Variants in IQGAP2 observed in about 807,000 individuals in gnomAD.
IQGAP2 encodes the protein ras GTPase-activating-like protein IQGAP2.
In IQGAP2, 173 loss-of-function variants were observed where a neutral mutation model predicts 201.3. The ratio of observed to expected loss-of-function variants is 0.86; its 90% CI spans 0.76 to 0.98. The LOEUF (loss-of-function observed/expected upper bound fraction) is 0.98. IQGAP2 is among the 50% of genes least tolerant of loss of function. The pLI, the probability that IQGAP2 is intolerant of heterozygous loss-of-function variation, is 0.00. For missense variants in IQGAP2, 1,687 were observed against 1,864.8 expected, an observed-to-expected ratio of 0.90 and a Z score of 1.76; for synonymous variants, 675 against 673.9, an observed-to-expected ratio of 1.00 and a Z score of -0.03.
chr5:76,527,321 G>A (rs1424225956), intron 2 of IQGAP2, among the ~76,000 whole-genome samples: 2 of 152,174 alleles, frequency 1.3e-5, no homozygotes, highest in East Asian at 1.9e-4. Context: ...GGTGCTCCCT[G>A]TCCCCCAAGA....
At chr5:76,698,507 T>C (rs562275677) in intron 33 of IQGAP2, among the ~76,000 whole-genome samples, 1 of 152,348 alleles carries the variant, frequency 6.6e-6, no homozygotes, top group African/African-American at 2.4e-5. Flanking sequence ...TTTTATATAA[T>C]TGATAATATT....
intron 2 of IQGAP2, among the ~76,000 whole-genome samples, chr5:76,507,483 A>G (rs773765352): frequency 2.0e-5 from 3 of 152,212 alleles, no homozygotes; most frequent in Non-Finnish European, 4.4e-5. Flanking sequence ...TAGGTTTGGC[A>G]TTGACGTTAT....
At chr5:76,514,879 C>T (rs1392263766) in intron 2 of IQGAP2, among the ~76,000 whole-genome samples, 3 of 152,188 alleles carry the variant, frequency 2.0e-5, no homozygotes, top group Admixed American at 2.0e-4. Flanking sequence ...ATGCATTCAG[C>T]TGAATTCAGT....
At position 76,412,045 on chromosome 5, in the gene IQGAP2, C is replaced by T. The variant is rs139838395; in HGVS notation, c.46+8454C>T. 3.5e-4 allele frequency among the ~76,000 whole-genome samples: 54 copies of T among 152,270 alleles called. 2 individuals carry two copies. In the East Asian group the frequency reaches 9.8e-3, roughly 28 times the overall value. On this transcript the variant is annotated intron_variant, in intron 1 of 35. Coordinates refer to ENST00000274364, the MANE Select transcript of IQGAP2 (RefSeq NM_006633.5). ...TTTTTTTTCTCTCCAGGACACCTTA[C>T]AGTGTTATTCATTTATTCGTTTATT...
rs1262852405 is a variant in IQGAP2, at chr5:76,611,050, C to T, written c.1388C>T (p.Ala463Val). 6.2e-7 allele frequency: 1 copy of T among 1,613,106 alleles called. No individual in the cohort carries two copies. The highest frequency in any genetic ancestry group is 8.5e-7 in the Non-Finnish European group (1 of 1,179,328). ...RVVAVGYINE[A>V]IDEGNPLRTL... is the part of the protein sequence containing the mutation. ...GTAGCTGTAGGGTACATCAATGAAG[C>T]TATTGATGAAGGGAATCCTTTGAGG... The change falls in exon 13 of 36, where the codon GCT (alanine) becomes GTT (valine). Residue 463 changes from alanine to valine, a missense_variant. Coordinates refer to ENST00000274364, the MANE Select transcript of IQGAP2 (RefSeq NM_006633.5).
chr5:76,595,798 G>GAGAA (rs1746994507), intron 9 of IQGAP2, among the ~76,000 whole-genome samples: 1 of 150,484 alleles, frequency 6.6e-6, no homozygotes, highest in African/African-American at 2.5e-5. Flanking sequence ...GAGAGAGAGA[G>GAGAA]AAAACAGTGT....
At position 76,673,588 on chromosome 5, in the gene IQGAP2, C is replaced by T. The variant is rs1041362404; in HGVS notation, c.3208C>T (p.Pro1070Ser). 1 of 1,613,024 alleles carries T rather than the reference C, an allele frequency of 6.2e-7. No homozygotes were observed. Among genetic ancestry groups the T allele is most frequent in the Non-Finnish European group, 8.5e-7 (1 of 1,179,564 alleles). The change falls in exon 25 of 36, where the codon CCT becomes TCT. Residue 1070 changes from proline (P) to serine (S), a missense_variant and splice_region_variant. Transcript: ENST00000274364. The stretch of plus-strand genomic sequence containing the variant: ...TATCATTTCTTCCCTTGATCTACTG[C>T]CGTAAGTTGTACTTGCAGCAAGTTT... ...NSIISSLDLL[P>S]YGLRYIAKVL...
chr5:76,410,016 C>G (rs1358237361), intron 1 of IQGAP2, among the ~76,000 whole-genome samples: 1 of 152,144 alleles, frequency 6.6e-6, no homozygotes, highest in East Asian at 1.9e-4. Flanking sequence ...GCACATAGTG[C>G]TAAACAAGTT....
At chr5:76,471,884 A>G (rs1328651694) in intron 2 of IQGAP2, among the ~76,000 whole-genome samples, 1 of 152,254 alleles carries the variant, frequency 6.6e-6, no homozygotes, top group Non-Finnish European at 1.5e-5. Context: ...CACACAAAAT[A>G]GTAATGAAAT....
At chr5:76,436,518 T>G (rs1174693045) in intron 1 of IQGAP2, among the ~76,000 whole-genome samples, 1 of 19,722 alleles carries the variant, frequency 5.1e-5, no homozygotes, top group Non-Finnish European at 7.2e-5. Flanking sequence ...TATATATATA[T>G]TTTTTTTTTT....
intron 22 of IQGAP2, among the ~76,000 whole-genome samples, chr5:76,667,725 A>T (rs1363468431): frequency 6.6e-6 from 1 of 150,622 alleles, no homozygotes; most frequent in Admixed American, 6.6e-5. Flanking sequence ...CCCCCTTCTC[A>T]CTCTGTGTAG....
chr5:76,453,349 T>G (rs1019527716), intron 1 of IQGAP2, among the ~76,000 whole-genome samples: 1 of 152,196 alleles, frequency 6.6e-6, no homozygotes, highest in Non-Finnish European at 1.5e-5. Context: ...GAGCTTACAT[T>G]GATTAGAGGA....
intron 28 of IQGAP2, among the ~76,000 whole-genome samples, chr5:76,681,446 TCAGC>T (rs1745284285): frequency 6.6e-6 from 1 of 151,732 alleles, no homozygotes; most frequent in Non-Finnish European, 1.5e-5. Context: ...ATACAGATGG[TCAGC>T]ATCACTAATA....
chr5:76,662,834 A>G (rs552921302), intron 21 of IQGAP2, among the ~76,000 whole-genome samples: 16 of 152,138 alleles, frequency 1.1e-4, no homozygotes, highest in Non-Finnish European at 7.4e-5. Context: ...TTGCTTTTTT[A>G]AAAATGTTAT....
chr5:76,639,716 A>C (rs578068887), intron 16 of IQGAP2, among the ~76,000 whole-genome samples: 2 of 152,350 alleles, frequency 1.3e-5, no homozygotes, highest in Admixed American at 1.3e-4. Context: ...GTATTTACTA[A>C]AACTTAGAGG....
intron 2 of IQGAP2, among the ~76,000 whole-genome samples, chr5:76,485,802 G>T (rs1158888010): frequency 1.3e-5 from 2 of 152,184 alleles, no homozygotes; most frequent in East Asian, 3.8e-4. Flanking sequence ...TGCTGGGTCT[G>T]TCCTGTTCTC....
intron 12 of IQGAP2, among the ~76,000 whole-genome samples, chr5:76,610,466 G>T (rs115966736): frequency 0.028 from 4,280 of 151,686 alleles, 197 homozygotes; most frequent in African/African-American, 0.097. Flanking sequence ...TACTCAGGAG[G>T]CTGAGGCACA....
chr5:76,467,253 C>A (rs551604567), intron 2 of IQGAP2, among the ~76,000 whole-genome samples: 1 of 151,542 alleles, frequency 6.6e-6, no homozygotes, highest in Admixed American at 6.6e-5. Flanking sequence ...GACTCTGTCT[C>A]AAAAAAATAA....
At chr5:76,609,245 T>C (rs1242921070) in intron 12 of IQGAP2, 1 of 1,535,716 alleles carries the variant, frequency 6.5e-7, no homozygotes, top group Non-Finnish European at 8.7e-7. Flanking sequence ...TTAGAACAGC[T>C]TACCCAAGGG....
Sources: gnomAD v4.1 joint callset for allele counts (sites outside exome capture counted in the v4.1 genomes callset) on GRCh38, gnomAD v4.1.1 for gene constraint, MANE v1.5 for transcripts, NCBI Gene and HGNC (gene_info 2026-07-23, HGNC 2026-07-21) for gene names.